Variants in MRTFA observed in about 807,000 individuals in gnomAD.
The protein encoded by MRTFA is myocardin-related transcription factor A.
MRTFA carries 20 observed loss-of-function variants against 83.5 expected under a neutral mutation model. The observed-to-expected ratio is 0.24, with a 90% CI of 0.17 to 0.35. The LOEUF is 0.35. Ranked by LOEUF, MRTFA falls within the 10% of genes least tolerant of loss-of-function variation. The probability of loss-of-function intolerance (pLI) is 1.00; values close to 1 mark genes in which losing one functional copy is unlikely to be tolerated. For synonymous variants in MRTFA, 659 were observed against 541.2 expected, an observed-to-expected ratio of 1.22 and a Z score of -3.02; for missense variants, 1,200 against 1,224.7, an observed-to-expected ratio of 0.98 and a Z score of 0.30.
At chr22:40,500,274 T>C (rs1391706916) in intron 3 of MRTFA, among the ~76,000 whole-genome samples, 5 of 151,132 alleles carry the variant, frequency 3.3e-5, no homozygotes, top group African/African-American at 1.2e-4. Context: ...AGTAAAAGTC[T>C]ATGCCTACAA....
intron 1 of MRTFA, among the ~76,000 whole-genome samples, chr22:40,621,439 G>T (rs148690396): frequency 6.6e-6 from 1 of 152,266 alleles, no homozygotes; most frequent in African/African-American, 2.4e-5. Flanking sequence ...ACAGAAAAGG[G>T]AATGGTGGTT....
At chr22:40,520,352 C>T (rs541020113) in intron 3 of MRTFA, among the ~76,000 whole-genome samples, 40 of 152,302 alleles carry the variant, frequency 2.6e-4, no homozygotes, top group African/African-American at 8.9e-4. Context: ...AATGGAATCA[C>T]ACAATATGTG....
intron 3 of MRTFA, among the ~76,000 whole-genome samples, chr22:40,474,983 T>C (rs895039342): frequency 7.2e-5 from 11 of 151,930 alleles, no homozygotes; most frequent in African/African-American, 2.7e-4. Context: ...GGACTACAGG[T>C]GTGTGCCACC....
intron 3 of MRTFA, among the ~76,000 whole-genome samples, chr22:40,471,368 A>G (rs1193170358): frequency 6.6e-6 from 1 of 152,048 alleles, no homozygotes; most frequent in Non-Finnish European, 1.5e-5. Context: ...ATGCCACTGC[A>G]CTCCAGCCTG....
At chr22:40,610,062 T>G (rs1207643337) in intron 1 of MRTFA, among the ~76,000 whole-genome samples, 1 of 148,952 alleles carries the variant, frequency 6.7e-6, no homozygotes, top group African/African-American at 2.5e-5. Context: ...TTTTTTTTTT[T>G]TGAGACAGAG....
chr22:40,569,725 AT>A, intron 2 of MRTFA: 1 of 11,756 alleles, frequency 8.5e-5, no homozygotes, highest in Admixed American at 1.9e-3. Flanking sequence ...TAATACATAC[AT>A]ACATACATAC....
Position 40,411,429 on chromosome 22 carries a change from A to C in MRTFA, c.3057T>G (p.Asp1019Glu). The C allele has an allele frequency of 6.3e-7, 1 of 1,578,666 alleles. No individual in the cohort carries two copies. The highest frequency in any genetic ancestry group is 8.7e-7 in the Non-Finnish European group (1 of 1,155,030). The stretch of plus-strand genomic sequence containing the variant: ...CCCAGTGCAGCTGCAAATCATGGCC[A>C]TCGAGGAAGTCTGTGGAGAAGAGGC... Residue 1019 changes from aspartate to glutamate, a missense_variant, in exon 15 of 15, where the codon GAT becomes GAG. Physicochemically the swap from Asp to Glu is conservative, Grantham distance 45 (BLOSUM62 2). Around this residue, in one of 2 missense-constraint regions of MRTFA, gnomAD observed 1,107 missense variants for 1,041.8 expected, o/e 1.06. Coordinates refer to ENST00000355630, the MANE Select transcript of MRTFA (RefSeq NM_020831.6).
intron 2 of MRTFA, among the ~76,000 whole-genome samples, chr22:40,584,863 G>C (rs2056005329): frequency 6.6e-6 from 1 of 151,722 alleles, no homozygotes; most frequent in South Asian, 2.1e-4. Context: ...AGCCAACATA[G>C]TGAAACCCCA....
At chr22:40,532,169 T>C (rs527746638) in intron 3 of MRTFA, among the ~76,000 whole-genome samples, 10 of 152,274 alleles carry the variant, frequency 6.6e-5, no homozygotes, top group Middle Eastern at 3.4e-3. Flanking sequence ...ATTAAGTATG[T>C]CCCTTTCCCT....
chr22:40,459,820 C>CACACACACACACATAT (rs1602278609), intron 4 of MRTFA, among the ~76,000 whole-genome samples: 1 of 82,938 alleles, frequency 1.2e-5, no homozygotes, highest in Non-Finnish European at 2.3e-5. Flanking sequence ...CACACACACA[C>CACACACACACACATAT]ACATATATAC....
At chr22:40,573,886 A>G (rs2055832429) in intron 2 of MRTFA, among the ~76,000 whole-genome samples, 1 of 152,150 alleles carries the variant, frequency 6.6e-6, no homozygotes, top group Admixed American at 6.6e-5. Context: ...ATTTAAAAAT[A>G]ATAATATTTT....
chr22:40,433,687 T>A (rs759862524), intron 5 of MRTFA: 1 of 152,262 alleles, frequency 6.6e-6, no homozygotes. Flanking sequence ...TATTGCTGTG[T>A]CTTATTCATC....
chr22:40,450,694 G>C (rs1452475617), intron 4 of MRTFA, among the ~76,000 whole-genome samples: 1 of 151,874 alleles, frequency 6.6e-6, no homozygotes, highest in Non-Finnish European at 1.5e-5. Flanking sequence ...CTGACCTCAA[G>C]TGATCCACCC....
intron 3 of MRTFA, among the ~76,000 whole-genome samples, chr22:40,517,497 G>T (rs951184830): frequency 1.3e-5 from 2 of 152,164 alleles, no homozygotes; most frequent in Admixed American, 6.5e-5. Context: ...ACCCAGGCCA[G>T]CTGGGTACAA....
chr22:40,515,001 T>A (rs534396469), intron 3 of MRTFA, among the ~76,000 whole-genome samples: 186 of 151,648 alleles, frequency 1.2e-3, no homozygotes, highest in African/African-American at 4.3e-3. Flanking sequence ...CTCCGCCTTC[T>A]GGGTTCAAAC....
chr22:40,516,305 A>G (rs1456168564), intron 3 of MRTFA, among the ~76,000 whole-genome samples: 3 of 151,634 alleles, frequency 2.0e-5, no homozygotes, highest in Non-Finnish European at 4.4e-5. Context: ...TTGTAGTCGC[A>G]GCTACTTGGG....
At chr22:40,456,533 C>T (rs547878060) in intron 4 of MRTFA, among the ~76,000 whole-genome samples, 2 of 152,168 alleles carry the variant, frequency 1.3e-5, no homozygotes, top group South Asian at 4.1e-4. Flanking sequence ...ACTAATAATA[C>T]AAAAACTAGC....
intron 14 of MRTFA, among the ~76,000 whole-genome samples, chr22:40,413,665 G>A (rs191048842): frequency 2.6e-5 from 4 of 152,052 alleles, no homozygotes; most frequent in African/African-American, 9.7e-5. Flanking sequence ...GGATGGTCTC[G>A]ATCTCCTGAC....
rs528236079 is a variant in MRTFA, at chr22:40,487,195, C to G, written c.242-23909G>C. On this transcript the variant is annotated intron_variant, in intron 3 of 14. Transcript: ENST00000355630. ...TGTATGCAGCCTTGGTGAGTACAGCCTTTACCACAGTATATCCCTTACCTA... is the reference window on the plus strand; with the variant it reads ...TGTATGCAGCCTTGGTGAGTACAGCGTTTACCACAGTATATCCCTTACCTA... Among the ~76,000 whole-genome samples, 4 of 152,230 alleles carry G rather than the reference C, an allele frequency of 2.6e-5. No individual in the cohort carries two copies. The South Asian group carries it at 8.3e-4, about 32-fold the overall frequency.
Sources: gnomAD v4.1 joint callset for allele counts (sites outside exome capture counted in the v4.1 genomes callset) on GRCh38, gnomAD v4.1.1 for gene constraint, gnomAD v4.1.1 regional missense constraint, MANE v1.5 for transcripts, NCBI Gene and HGNC (gene_info 2026-07-23, HGNC 2026-07-21) for gene names.